Variants in RAD50 observed in about 807,000 individuals in gnomAD.
The protein encoded by RAD50 is RAD50 double strand break repair protein.
In RAD50, 132 loss-of-function variants were observed where a neutral mutation model predicts 168.8. The observed-to-expected ratio is 0.78, with a 90% confidence interval of 0.68 to 0.90. The LOEUF (loss-of-function observed/expected upper bound fraction) is 0.90, where lower values mean the gene tolerates loss of function less well. Ranked by LOEUF, RAD50 falls within the 40% of genes least tolerant of loss-of-function variation. The pLI is 0.00. For missense variants in RAD50, 1,347 were observed against 1,534.4 expected, an observed-to-expected ratio of 0.88 and a Z score of 2.04; for synonymous variants, 525 against 497.4, an observed-to-expected ratio of 1.06 and a Z score of -0.74.
At position 132,615,985 on chromosome 5, in the gene RAD50, T is replaced by C; in HGVS notation, c.3037-18T>C. ...TAACTTGGTTATTTTTGTTAACTAA[T>C]TTAATGTTTACCTTTAGATACAAGA... On this transcript the variant is annotated intron_variant, in intron 19 of 24. Coordinates refer to ENST00000378823, the MANE Select transcript of RAD50 (RefSeq NM_005732.4). 6.4e-7 allele frequency: 1 copy of C among 1,568,522 alleles called. No homozygotes were observed. The highest frequency in any genetic ancestry group is 8.8e-7 in the Non-Finnish European group (1 of 1,140,126).
rs1561642030 is a variant in RAD50, at chr5:132,594,920, A to G, written c.1845A>G (p.Leu615=). The G allele has an allele frequency of 1.2e-6, 2 of 1,608,770 alleles. No individual in the cohort carries two copies. Among genetic ancestry groups the G allele is most frequent in the Non-Finnish European group, 8.5e-7 (1 of 1,175,164 alleles). ...EQNKNHINNE[L]KRKEEQLSSY... ...ATAAAAATCATATAAATAATGAACT[A>G]AAAAGAAAGGAAGAGCAGTTGTCCA... The change falls in exon 12 of 25, where the codon CTA becomes CTG. Residue 615 remains leucine (L), a synonymous_variant. Transcript: ENST00000378823.
chr5:132,595,656 C>CA lies in RAD50; in HGVS notation c.2054dup (p.Arg686GlufsTer8), dbSNP rs1554098683. 1.9e-6 allele frequency: 3 copies of CA among 1,614,040 alleles called. No homozygotes were observed. Among genetic ancestry groups the CA allele is most frequent in the Non-Finnish European group, 2.5e-6 (3 of 1,179,974 alleles). On this transcript the variant is annotated frameshift_variant, in exon 13 of 25. Coordinates refer to ENST00000378823, the MANE Select transcript of RAD50 (RefSeq NM_005732.4). LOFTEE classifies it high-confidence loss of function. The stretch of plus-strand genomic sequence containing the variant: ...AAACCAGTCATGTTGCCCCGTTTGT[C>CA]AGAGAGTTTTTCAGACAGAGGCTGA...
intron 6 of RAD50, 56 bp from the exon 7 acceptor site, chr5:132,587,868 G>A (rs1224605845): frequency 5.1e-6 from 8 of 1,576,876 alleles, no homozygotes; most frequent in Non-Finnish European, 7.0e-6. Flanking sequence ...ATACCTCAAA[G>A]TGATCATATT....
intron 21 of RAD50, among the ~76,000 whole-genome samples, chr5:132,631,054 G>A (rs1281074338): frequency 6.6e-6 from 1 of 150,632 alleles, no homozygotes; most frequent in Non-Finnish European, 1.5e-5. Flanking sequence ...CTCTTAATGA[G>A]TATTTAAATA....
chr5:132,603,593 G>A lies in RAD50; in HGVS notation c.2397+104G>A. 3 of 1,272,590 alleles carry A rather than the reference G, an allele frequency of 2.4e-6. No individual in the cohort carries two copies. In the South Asian group the frequency reaches 3.7e-5, roughly 16 times the overall value. 78.8% of individuals were successfully genotyped at this position (1,272,590 alleles called of 1,614,324 possible). A position where few individuals can be genotyped will look rare whatever the true frequency, so the allele number is the denominator to read the frequency against. ...TAGCTAGTATTCAGGTACAGGTTGTGTTTAGAATTCCCCATCCTGAATTTC... is the reference window on the plus strand; with the variant it reads ...TAGCTAGTATTCAGGTACAGGTTGTATTTAGAATTCCCCATCCTGAATTTC... On this transcript the variant is annotated intron_variant, in intron 14 of 24. Transcript: ENST00000378823.
chr5:132,633,268 C>A, intron 21 of RAD50, among the ~76,000 whole-genome samples: 1 of 151,726 alleles, frequency 6.6e-6, no homozygotes. Flanking sequence ...CCACGCCTGG[C>A]TAATTCTTGT....
At position 132,644,069 on chromosome 5, in the gene RAD50, C is replaced by G. The variant is rs1751799591; in HGVS notation, c.*1705C>G. On this transcript the variant is annotated 3_prime_UTR_variant, in exon 25 of 25. Transcript: ENST00000378823. ...TCTCAGTAAATATTAAAGCCAGTTA[C>G]CTTCTATCAACATGTTAATGAAAGT... The G allele has an allele frequency of 4.9e-6, 1 of 205,828 alleles. No individual in the cohort carries two copies. Among genetic ancestry groups the G allele is most frequent in the Non-Finnish European group, 9.9e-6 (1 of 100,826 alleles). 12.8% of individuals were successfully genotyped at this position (205,828 alleles called of 1,614,324 possible).
At position 132,557,189 on chromosome 5, in the gene RAD50, C is replaced by G; in HGVS notation, c.-136C>G. On this transcript the variant is annotated 5_prime_UTR_variant, in exon 1 of 25. Coordinates refer to ENST00000378823, the MANE Select transcript of RAD50 (RefSeq NM_005732.4). Reference sequence around the variant, plus strand: ...TGGCTGGCAGGATCTTTTGGCAGTCCTGTGGCCTCGCTCCCCGCCCGGATC... The same window carrying G: ...TGGCTGGCAGGATCTTTTGGCAGTCGTGTGGCCTCGCTCCCCGCCCGGATC... The G allele has an allele frequency of 8.2e-7, 1 of 1,226,458 alleles. No homozygotes were observed. Among genetic ancestry groups the G allele is most frequent in the East Asian group, 2.4e-5 (1 of 41,650 alleles). The allele number at this position is 1,226,458 out of a possible 1,614,324, so 76.0% of individuals were successfully genotyped here. A position where few individuals can be genotyped will look rare whatever the true frequency, so the allele number is the denominator to read the frequency against.
In RAD50 at chr5:132,587,550, C is replaced by A. The variant is rs1427073290; in HGVS notation, c.757-12C>A. 5 of 1,611,570 alleles carry A rather than the reference C, an allele frequency of 3.1e-6. No homozygotes were observed. Among genetic ancestry groups the A allele is most frequent in the East Asian group, 4.5e-5 (2 of 44,728 alleles). ...AGTGAGTTTTATTTATGTAATGTTT[C>A]TTTATTTTCAGAATCGTCTAAAAGA... On this transcript the variant is annotated splice_polypyrimidine_tract_variant and intron_variant, in intron 5 of 24. Transcript: ENST00000378823.
chr5:132,631,699 C>T (rs1353366863), intron 21 of RAD50, among the ~76,000 whole-genome samples: 1 of 152,174 alleles, frequency 6.6e-6, no homozygotes, highest in Non-Finnish European at 1.5e-5. Context: ...CACTATATGT[C>T]ACTCAATAGC....
At chr5:132,560,086 A>G (rs1052752814) in intron 2 of RAD50, among the ~76,000 whole-genome samples, 15 of 151,978 alleles carry the variant, frequency 9.9e-5, no homozygotes, top group Admixed American at 4.6e-4. Flanking sequence ...ACATATATAT[A>G]TAGTTTATTC....
At chr5:132,627,865 G>C (rs181807966) in intron 21 of RAD50, among the ~76,000 whole-genome samples, 1 of 152,336 alleles carries the variant, frequency 6.6e-6, no homozygotes, top group East Asian at 1.9e-4. Flanking sequence ...GTAACCAAGA[G>C]ATGGTGGTGG....
At chr5:132,618,409 A>T in intron 21 of RAD50, 115 bp downstream of exon 21, 1 of 1,495,758 alleles carries the variant, frequency 6.7e-7, no homozygotes. Flanking sequence ...ACAGAGTTTC[A>T]CTCTTGTTTC....
chr5:132,637,985 C>G (rs2149863356), intron 22 of RAD50, 96 bp from the exon 23 acceptor site: 1 of 1,323,270 alleles, frequency 7.6e-7, no homozygotes, highest in Non-Finnish European at 1.1e-6. Flanking sequence ...GTAATGTCAG[C>G]CTCATCTGTT....
Position 132,588,048 on chromosome 5 carries a change from G to A in RAD50, c.1010G>A (p.Arg337Lys), listed in dbSNP as rs1750627820. The change falls in exon 7 of 25, where the codon AGG becomes AAG. Residue 337 changes from arginine (R) to lysine (K), a missense_variant. Around this residue, in one of 3 missense-constraint regions of RAD50, gnomAD observed 703 missense variants for 767.7 expected, o/e 0.92. Transcript: ENST00000378823. ...RELEKLNKES[R>K]LLNQEKSELL... ...CTGGAAAAACTAAATAAAGAATCTA[G>A]GCTTCTCAATCAGGAAAAATCAGAA... 1.2e-5 allele frequency: 19 copies of A among 1,612,786 alleles called. No individual in the cohort carries two copies. Among genetic ancestry groups the A allele is most frequent in the Non-Finnish European group, 1.6e-5 (19 of 1,179,048 alleles).
At chr5:132,579,173 A>T in intron 3 of RAD50, 144 bp from the exon 4 acceptor site, 2 of 771,496 alleles carry the variant, frequency 2.6e-6, no homozygotes, top group Non-Finnish European at 4.2e-6. Context: ...TACACTTTTT[A>T]GCATGATGAA....
chr5:132,589,594 T>C, intron 8 of RAD50, 37 bp from the exon 9 acceptor site: 2 of 1,467,932 alleles, frequency 1.4e-6, no homozygotes, highest in Non-Finnish European at 1.8e-6. Context: ...AATTGTTTAG[T>C]AAATTATTAA....
intron 8 of RAD50, among the ~76,000 whole-genome samples, chr5:132,589,352 A>G (rs1228552533): frequency 1.3e-5 from 2 of 152,220 alleles, no homozygotes; most frequent in African/African-American, 4.8e-5. Context: ...TATTCAGTAC[A>G]GTAATATGCT....
At chr5:132,590,785 C>T (rs1750684182) in intron 9 of RAD50, among the ~76,000 whole-genome samples, 1 of 152,168 alleles carries the variant, frequency 6.6e-6, no homozygotes. Context: ...GTCAGTTTAG[C>T]ACTTCATCAG....
Sources: gnomAD v4.1 joint callset for allele counts (sites outside exome capture counted in the v4.1 genomes callset) on GRCh38, gnomAD v4.1.1 for gene constraint, gnomAD v4.1.1 regional missense constraint, MANE v1.5 for transcripts, NCBI Gene and HGNC (gene_info 2026-07-23, HGNC 2026-07-21) for gene names.